Variants in SLC25A48 observed in about 807,000 individuals in gnomAD.
The protein encoded by SLC25A48 is solute carrier family 25 member 48.
In SLC25A48, 29 loss-of-function variants were observed where a neutral mutation model predicts 32.2. The observed-to-expected ratio is 0.90, with a 90% CI of 0.67 to 1.23. SLC25A48 has a LOEUF of 1.23. SLC25A48 is among the 50% of genes most tolerant of loss of function. The pLI, the probability that SLC25A48 is intolerant of heterozygous loss-of-function variation, is 0.00. For missense variants in SLC25A48, 399 were observed against 422.7 expected, an observed-to-expected ratio of 0.94 and a Z score of 0.49; for synonymous variants, 164 against 172.3, an observed-to-expected ratio of 0.95 and a Z score of 0.38.
chr5:135,798,477 C>A (rs1757241083), intron 3 of SLC25A48, among the ~76,000 whole-genome samples: 1 of 151,524 alleles, frequency 6.6e-6, no homozygotes, highest in Non-Finnish European at 1.5e-5. Flanking sequence ...GTGTACATTC[C>A]CCCCTGTGAT....
chr5:135,785,436 C>A (rs1205096887), intron 3 of SLC25A48, among the ~76,000 whole-genome samples: 2 of 150,950 alleles, frequency 1.3e-5, no homozygotes, highest in African/African-American at 4.9e-5. Context: ...CCCTATGCGG[C>A]GGGAGGTGGA....
intron 2 of SLC25A48, among the ~76,000 whole-genome samples, chr5:135,844,413 G>A (rs1039714247): frequency 6.6e-6 from 1 of 152,194 alleles, no homozygotes; most frequent in African/African-American, 2.4e-5. Context: ...GTCATTCCCA[G>A]TCTGTCTTCT....
At chr5:135,619,037 C>G (rs1045735818) in intron 1 of SLC25A48, among the ~76,000 whole-genome samples, 5 of 152,010 alleles carry the variant, frequency 3.3e-5, no homozygotes, top group African/African-American at 1.2e-4. Context: ...GACTAAATCT[C>G]TGGCTAGACT....
chr5:135,756,613 G>A (rs1755912877), intron 3 of SLC25A48, among the ~76,000 whole-genome samples: 1 of 152,166 alleles, frequency 6.6e-6, no homozygotes, highest in Admixed American at 6.6e-5. Context: ...GAAGGTTGCA[G>A]TGAGCTGAGA....
intron 1 of SLC25A48, among the ~76,000 whole-genome samples, chr5:135,597,563 C>T (rs1751683252): frequency 6.6e-6 from 1 of 152,206 alleles, no homozygotes; most frequent in African/African-American, 2.4e-5. Flanking sequence ...CCGATAGAAA[C>T]AATCAAAGGA....
chr5:135,707,843 C>T (rs1461753378), intron 3 of SLC25A48, among the ~76,000 whole-genome samples: 1 of 152,218 alleles, frequency 6.6e-6, no homozygotes, highest in Admixed American at 6.5e-5. Flanking sequence ...AGCCAGGGAG[C>T]ATGACTGTCT....
At chr5:135,749,737 G>A (rs1184864694) in intron 3 of SLC25A48, among the ~76,000 whole-genome samples, 4 of 152,034 alleles carry the variant, frequency 2.6e-5, no homozygotes, top group African/African-American at 7.2e-5. Context: ...GATTAGAGGC[G>A]CACACCACCA....
At chr5:135,764,937 G>GTA (rs929671880) in intron 3 of SLC25A48, among the ~76,000 whole-genome samples, 2 of 151,306 alleles carry the variant, frequency 1.3e-5, no homozygotes, top group African/African-American at 4.9e-5. Flanking sequence ...GAGAATGATA[G>GTA]TACTCCCCAT....
At position 135,648,056 on chromosome 5, in the gene SLC25A48, C is replaced by T. The variant is rs146550818; in HGVS notation, c.-521+13100C>T. 9.4e-4 allele frequency among the ~76,000 whole-genome samples: 143 copies of T among 152,198 alleles called. 1 individual carries two copies. The highest frequency in any genetic ancestry group is 1.4e-3 in the Non-Finnish European group (96 of 68,006). On this transcript the variant is annotated intron_variant, in intron 3 of 10. Coordinates refer to the SLC25A48 transcript ENST00000646290. ...TGTGGCCTGTGATGAGAGGCCTCAA[C>T]GGGGAGATTCATTCCGGGGTCCACT...
At chr5:135,717,799 C>T (rs1009363792) in intron 3 of SLC25A48, among the ~76,000 whole-genome samples, 1 of 152,120 alleles carries the variant, frequency 6.6e-6, no homozygotes, top group Non-Finnish European at 1.5e-5. Flanking sequence ...GGACTTCTTG[C>T]CTTCAGAACT....
intron 3 of SLC25A48, among the ~76,000 whole-genome samples, chr5:135,645,567 C>T (rs992415199): frequency 2.4e-4 from 36 of 152,216 alleles, no homozygotes; most frequent in African/African-American, 8.4e-4. Flanking sequence ...GCCCTGAGTT[C>T]TGCCAAGTCT....
chr5:135,748,465 G>T (rs1755693519), intron 3 of SLC25A48, among the ~76,000 whole-genome samples: 2 of 152,008 alleles, frequency 1.3e-5, no homozygotes, highest in African/African-American at 4.8e-5. Context: ...GTAGAGACAG[G>T]GTTTTGCCAT....
At chr5:135,834,019 G>A (rs1758311801), upstream of SLC25A48, among the ~76,000 whole-genome samples, 1 of 152,176 alleles carries the variant, frequency 6.6e-6, no homozygotes, top group Non-Finnish European at 1.5e-5. Flanking sequence ...AGAACGCTGG[G>A]GGGCTTCGAG....
intron 4 of SLC25A48, among the ~76,000 whole-genome samples, chr5:135,870,579 A>G (rs1761556195): frequency 6.6e-6 from 1 of 152,196 alleles, no homozygotes; most frequent in Non-Finnish European, 1.5e-5. Flanking sequence ...TGAGGGGCCA[A>G]GAGCCCCAGT....
At chr5:135,702,128 C>G (rs1479551019) in intron 3 of SLC25A48, among the ~76,000 whole-genome samples, 1 of 152,240 alleles carries the variant, frequency 6.6e-6, no homozygotes, top group African/African-American at 2.4e-5. Context: ...ACCTCATGAA[C>G]TGCTTCCTGC....
At chr5:135,785,990 G>A (rs1326664712) in intron 3 of SLC25A48, among the ~76,000 whole-genome samples, 7 of 150,188 alleles carry the variant, frequency 4.7e-5, no homozygotes, top group Non-Finnish European at 1.0e-4. Flanking sequence ...GTTGAAACAC[G>A]CCCCTTGCTC....
intron 3 of SLC25A48, among the ~76,000 whole-genome samples, chr5:135,759,514 C>G (rs1169254791): frequency 6.6e-6 from 1 of 152,156 alleles, no homozygotes; most frequent in Non-Finnish European, 1.5e-5. Context: ...GTGAAATTCT[C>G]CTTCTTCAGC....
At chr5:135,646,865 T>G (rs1431976429) in intron 3 of SLC25A48, among the ~76,000 whole-genome samples, 7 of 151,402 alleles carry the variant, frequency 4.6e-5, no homozygotes, top group Non-Finnish European at 4.4e-5. Context: ...AAGTTTCAAT[T>G]ATACAGGATG....
rs1329419111 is a variant in SLC25A48, at chr5:135,610,902, T to TTATATGTCTACAAAAATTTAGAAGGG, written c.-848-18333_-848-18332insTATGTCTACAAAAATTTAGAAGGGTA. 1.8e-4 allele frequency among the ~76,000 whole-genome samples: 27 copies of TTATATGTCTACAAAAATTTAGAAGGG among 152,338 alleles called. 1 individual carries two copies. Among genetic ancestry groups the TTATATGTCTACAAAAATTTAGAAGGG allele is most frequent in the African/African-American group, 6.3e-4 (26 of 41,570 alleles). On this transcript the variant is annotated intron_variant, in intron 1 of 10. Coordinates refer to the SLC25A48 transcript ENST00000646290. ...ACTTTAGTGAGTAGAATTTTCTAAT[T>TTATATGTCTACAAAAATTTAGAAGGG]TAGAGGAATAAGCAGATACTTTGAC...
Sources: allele counts gnomAD v4.1 joint callset (sites outside exome capture counted in the v4.1 genomes callset), GRCh38; gene constraint gnomAD v4.1.1; transcripts MANE v1.5; gene names NCBI Gene and HGNC (gene_info 2026-07-23, HGNC 2026-07-21).